Variants in DPYD observed in about 807,000 individuals in gnomAD.
The protein encoded by DPYD is dihydropyrimidine dehydrogenase [NADP(+)].
Under a neutral mutation model 116.2 loss-of-function variants are expected in DPYD, and 109 were observed. The ratio of observed to expected loss-of-function variants is 0.94; its 90% confidence interval spans 0.80 to 1.10. The LOEUF is 1.10. DPYD is among the 50% of genes least tolerant of loss of function. The probability of loss-of-function intolerance (pLI) is 0.00; values close to 1 mark genes in which losing one functional copy is unlikely to be tolerated. For missense variants in DPYD, 1,302 were observed against 1,254.5 expected, an observed-to-expected ratio of 1.04 and a Z score of -0.57; for synonymous variants, 440 against 432.0, an observed-to-expected ratio of 1.02 and a Z score of -0.23.
intron 13 of DPYD, among the ~76,000 whole-genome samples, chr1:97,494,768 A>ACG (rs1262890000): frequency 6.7e-6 from 1 of 149,350 alleles, no homozygotes; most frequent in East Asian, 1.9e-4. Flanking sequence ...ACACACACAC[A>ACG]CACACACACA....
intron 20 of DPYD, among the ~76,000 whole-genome samples, chr1:97,167,436 G>A (rs1656407614): frequency 6.6e-6 from 1 of 152,106 alleles, no homozygotes; most frequent in Non-Finnish European, 1.5e-5. Context: ...ATTCCTGGTA[G>A]AGGCAGACAG....
At chr1:97,487,630 A>G (rs983312261) in intron 13 of DPYD, among the ~76,000 whole-genome samples, 149 of 152,214 alleles carry the variant, frequency 9.8e-4, no homozygotes, top group Non-Finnish European at 1.1e-3. Context: ...CTGAGATTGC[A>G]CCACTGCACT....
At chr1:97,424,720 A>G (rs149171270) in intron 14 of DPYD, among the ~76,000 whole-genome samples, 2 of 152,154 alleles carry the variant, frequency 1.3e-5, no homozygotes, top group East Asian at 3.9e-4. Flanking sequence ...GCTAGTATGA[A>G]CCCTTTAAAT....
At chr1:97,599,782 G>A (rs982009603) in intron 8 of DPYD, among the ~76,000 whole-genome samples, 8 of 130,516 alleles carry the variant, frequency 6.1e-5, no homozygotes, top group African/African-American at 2.3e-4. Context: ...CCAGCACTTT[G>A]TGAGGCCAAG....
intron 13 of DPYD, among the ~76,000 whole-genome samples, chr1:97,497,048 G>A (rs1679305226): frequency 6.6e-6 from 1 of 151,646 alleles, no homozygotes; most frequent in South Asian, 2.1e-4. Flanking sequence ...TAGATCTCAG[G>A]CAAGTCTTTT....
At chr1:97,889,563 G>A (rs1467198506) in intron 1 of DPYD, among the ~76,000 whole-genome samples, 1 of 151,858 alleles carries the variant, frequency 6.6e-6, no homozygotes, top group African/African-American at 2.4e-5. Flanking sequence ...CAATCTACCA[G>A]GAAAATATAA....
At position 97,704,657 on chromosome 1, in the gene DPYD, C is replaced by T. The variant is rs1299569139; in HGVS notation, c.484-5110G>A. Among the ~76,000 whole-genome samples, 6 of 151,916 alleles carry T rather than the reference C, an allele frequency of 3.9e-5. No homozygotes were observed. In the East Asian group the frequency reaches 9.7e-4, roughly 25 times the overall value. On this transcript the variant is annotated intron_variant, in intron 5 of 22. Coordinates refer to ENST00000370192, the MANE Select transcript of DPYD (RefSeq NM_000110.4). ...TCCAGTTACTTACAGTATCAAATTCCTAAGAGATTTTTTCTTAGAATATAG... is the reference window on the plus strand; with the variant it reads ...TCCAGTTACTTACAGTATCAAATTCTTAAGAGATTTTTTCTTAGAATATAG...
At chr1:97,447,907 T>C (rs1490054758) in intron 14 of DPYD, among the ~76,000 whole-genome samples, 1 of 152,186 alleles carries the variant, frequency 6.6e-6, no homozygotes, top group Non-Finnish European at 1.5e-5. Flanking sequence ...TGGGAATTTA[T>C]ATTTCATACC....
chr1:97,898,772 G>C (rs939137605), intron 1 of DPYD, among the ~76,000 whole-genome samples: 2 of 151,992 alleles, frequency 1.3e-5, no homozygotes. Context: ...TTTCATGGTA[G>C]TGAATACGTC....
At chr1:97,481,505 A>T (rs1678310899) in intron 13 of DPYD, among the ~76,000 whole-genome samples, 1 of 152,202 alleles carries the variant, frequency 6.6e-6, no homozygotes, top group South Asian at 2.1e-4. Context: ...TCACAGTGAC[A>T]AAAATTGTAA....
intron 1 of DPYD, among the ~76,000 whole-genome samples, chr1:97,920,376 A>C (rs1674446418): frequency 6.6e-6 from 1 of 152,156 alleles, no homozygotes; most frequent in Admixed American, 6.5e-5. Flanking sequence ...TTTCATAAAC[A>C]ATACTATGAC....
At chr1:97,183,412 G>A (rs1657781318) in intron 20 of DPYD, among the ~76,000 whole-genome samples, 1 of 152,012 alleles carries the variant, frequency 6.6e-6, no homozygotes, top group African/African-American at 2.4e-5. Context: ...TCAATTGAGT[G>A]TATATGTGTG....
chr1:97,248,902 A>T lies in DPYD; in HGVS notation c.2300-13908T>A, dbSNP rs1187719428. Reference sequence around the variant, plus strand: ...AGTACATTTAGAAAAGATATGTAAGATCTGTACACTAAAAATATTTTGTAA... The same window carrying T: ...AGTACATTTAGAAAAGATATGTAAGTTCTGTACACTAAAAATATTTTGTAA... On this transcript the variant is annotated intron_variant, in intron 18 of 22. Coordinates refer to ENST00000370192, the MANE Select transcript of DPYD (RefSeq NM_000110.4). Among the ~76,000 whole-genome samples the T allele has an allele frequency of 2.0e-5, 3 of 152,208 alleles. No homozygotes were observed. The East Asian group carries it at 5.8e-4, about 29-fold the overall frequency.
intron 13 of DPYD, among the ~76,000 whole-genome samples, chr1:97,470,655 A>C (rs1345203886): frequency 9.8e-5 from 15 of 152,332 alleles, no homozygotes; most frequent in Non-Finnish European, 5.9e-5. Flanking sequence ...TAACTTGCTG[A>C]AGCTGCCCAT....
intron 20 of DPYD, among the ~76,000 whole-genome samples, chr1:97,168,782 G>A (rs555716175): frequency 1.6e-4 from 25 of 151,730 alleles, no homozygotes; most frequent in African/African-American, 5.1e-4. Flanking sequence ...TGAATTTAAC[G>A]TGATTAGGCA....
intron 2 of DPYD, among the ~76,000 whole-genome samples, chr1:97,877,269 G>A (rs536829962): frequency 7.2e-5 from 11 of 152,004 alleles, no homozygotes; most frequent in African/African-American, 1.9e-4. Flanking sequence ...GTGACCAGTG[G>A]GAAGATGGCA....
intron 14 of DPYD, among the ~76,000 whole-genome samples, chr1:97,431,591 T>C (rs1286648560): frequency 6.6e-6 from 1 of 152,192 alleles, no homozygotes; most frequent in Non-Finnish European, 1.5e-5. Flanking sequence ...ATAATAATTG[T>C]ACATTTTTAT....
chr1:97,199,564 AT>A (rs1254753897), intron 19 of DPYD, among the ~76,000 whole-genome samples: 1 of 152,066 alleles, frequency 6.6e-6, no homozygotes, highest in Non-Finnish European at 1.5e-5. Flanking sequence ...TTTTAATGTA[AT>A]ACATTTTTGG....
intron 19 of DPYD, among the ~76,000 whole-genome samples, chr1:97,204,737 G>T (rs1474868374): frequency 6.6e-6 from 1 of 151,986 alleles, no homozygotes; most frequent in African/African-American, 2.4e-5. Flanking sequence ...ACTTTCACTT[G>T]TCCCTGTGGA....
Sources: gnomAD v4.1 joint callset for allele counts (sites outside exome capture counted in the v4.1 genomes callset) on GRCh38, gnomAD v4.1.1 for gene constraint, MANE v1.5 for transcripts, NCBI Gene and HGNC (gene_info 2026-07-23, HGNC 2026-07-21) for gene names.